Variants in MYO5A observed in about 807,000 individuals in gnomAD.
MYO5A encodes the protein myosin VA, also known as unconventional myosin-Va.
Under a neutral mutation model 249.7 loss-of-function variants are expected in MYO5A, and 98 were observed. The ratio of observed to expected loss-of-function variants is 0.39; its 90% CI spans 0.33 to 0.46. The LOEUF (loss-of-function observed/expected upper bound fraction) is 0.46. Among genes scored for constraint, MYO5A ranks in the 20% least tolerant of loss-of-function variants. MYO5A has a pLI of 0.98. For synonymous variants in MYO5A, 778 were observed against 810.6 expected (o/e 0.96, Z 0.68); for missense variants, 1,696 against 2,308.8 (o/e 0.73, Z 5.44).
chr15:52,419,151 T>C (rs1474768853), intron 4 of MYO5A, among the ~76,000 whole-genome samples: 2 of 152,248 alleles, frequency 1.3e-5, no homozygotes, highest in Non-Finnish European at 2.9e-5. Flanking sequence ...TTGAGTGTTG[T>C]CATGTACCTT....
At chr15:52,470,664 G>T (rs1338653691) in intron 1 of MYO5A, among the ~76,000 whole-genome samples, 1 of 151,388 alleles carries the variant, frequency 6.6e-6, no homozygotes, top group African/African-American at 2.4e-5. Context: ...TCAAAAAAAG[G>T]CCATTCCTTA....
In MYO5A at chr15:52,311,487, C is replaced by G. The variant is rs1034555540; in HGVS notation, c.*2209G>C. The G allele has an allele frequency of 6.6e-6, 1 of 152,272 alleles. No individual in the cohort carries two copies. The highest frequency in any genetic ancestry group is 1.9e-4 in the East Asian group (1 of 5,190). 9.4% of individuals were successfully genotyped at this position (152,272 alleles called of 1,614,324 possible). A position where few individuals can be genotyped will look rare whatever the true frequency, so the allele number is the denominator to read the frequency against. ...CAATTGGTAGTGTTTCTGGTTGATA[C>G]TGCAAATAAATAAATAAATGTATTC... is the stretch of plus-strand genomic sequence containing the variant. On this transcript the variant is annotated 3_prime_UTR_variant, in exon 42 of 42. Transcript: ENST00000399233.
At chr15:52,508,835 C>T (rs917057128) in intron 1 of MYO5A, among the ~76,000 whole-genome samples, 10 of 152,128 alleles carry the variant, frequency 6.6e-5, no homozygotes, top group Non-Finnish European at 1.3e-4. Flanking sequence ...TACATAAGAT[C>T]CTTGCATATT....
rs1459325200 is a variant in MYO5A, at chr15:52,477,494, T to G, written c.28-44209A>C. On this transcript the variant is annotated intron_variant, in intron 1 of 41. Transcript: ENST00000399233. Reference sequence around the variant, plus strand: ...TGGAGGAGAAGAGGCGCTCTGATTTTTTGAATTTTCAGCTTTTCTGCTCTG... The same window carrying G: ...TGGAGGAGAAGAGGCGCTCTGATTTGTTGAATTTTCAGCTTTTCTGCTCTG... Among the ~76,000 whole-genome samples the G allele has an allele frequency of 2.6e-5, 4 of 152,240 alleles. No individual in the cohort carries two copies. In the East Asian group the frequency reaches 7.7e-4, roughly 29 times the overall value.
At chr15:52,443,707 CAA>C (rs72495071) in intron 1 of MYO5A, among the ~76,000 whole-genome samples, 24 of 82,076 alleles carry the variant, frequency 2.9e-4, no homozygotes, top group Admixed American at 4.0e-4. Context: ...GACTCCATCT[CAA>C]AAAAAAAAAA....
In MYO5A at chr15:52,383,087, T is replaced by G. The variant is rs1026281755; in HGVS notation, c.2012+4A>C. On this transcript the variant is annotated splice_donor_region_variant and intron_variant, in intron 16 of 41. Coordinates refer to ENST00000399233, the MANE Select transcript of MYO5A (RefSeq NM_001382347.1). ...TTTTCACTGGGTGGTTCAGAAATAC[T>G]TACGTGAATGGGAACTTGAAGTCAT... The G allele has an allele frequency of 1.6e-5, 25 of 1,605,432 alleles. No individual in the cohort carries two copies. Among genetic ancestry groups the G allele is most frequent in the Non-Finnish European group, 2.0e-5 (24 of 1,172,088 alleles).
At chr15:52,419,068 T>C (rs371834233) in intron 4 of MYO5A, among the ~76,000 whole-genome samples, 1 of 152,228 alleles carries the variant, frequency 6.6e-6, no homozygotes, top group Non-Finnish European at 1.5e-5. Context: ...AATGCTTGCC[T>C]CAAACCTGAG....
At chr15:52,496,137 G>A (rs148144987) in intron 1 of MYO5A, among the ~76,000 whole-genome samples, 1 of 152,002 alleles carries the variant, frequency 6.6e-6, no homozygotes, top group Non-Finnish European at 1.5e-5. Context: ...AGCATAAACT[G>A]GCCTGAGTTA....
chr15:52,341,944 G>C (rs1254026981), intron 31 of MYO5A, among the ~76,000 whole-genome samples: 1 of 152,148 alleles, frequency 6.6e-6, no homozygotes, highest in Non-Finnish European at 1.5e-5. Context: ...TAATTATTCT[G>C]AGCTATAGCA....
chr15:52,400,977 T>G (rs1007910519), intron 9 of MYO5A, among the ~76,000 whole-genome samples: 2 of 152,202 alleles, frequency 1.3e-5, no homozygotes, highest in African/African-American at 4.8e-5. Flanking sequence ...TCTTAGATCT[T>G]CTAACTGGGA....
At chr15:52,328,209 A>C (rs778071139) in intron 35 of MYO5A, among the ~76,000 whole-genome samples, 1 of 152,146 alleles carries the variant, frequency 6.6e-6, no homozygotes, top group Non-Finnish European at 1.5e-5. Flanking sequence ...TCCCAAACTG[A>C]TATCTCCTGC....
chr15:52,508,867 G>A (rs2141611381), intron 1 of MYO5A, among the ~76,000 whole-genome samples: 2 of 151,748 alleles, frequency 1.3e-5, no homozygotes, highest in South Asian at 4.2e-4. Context: ...AATGAAATCC[G>A]TACCTTCTTA....
intron 5 of MYO5A, among the ~76,000 whole-genome samples, chr15:52,415,455 G>A (rs2043436252): frequency 6.6e-6 from 1 of 152,084 alleles, no homozygotes; most frequent in Admixed American, 6.5e-5. Context: ...TTTCTACTTT[G>A]TATATGGTGT....
chr15:52,383,614 G>C (rs574374198), intron 15 of MYO5A, among the ~76,000 whole-genome samples: 1 of 152,340 alleles, frequency 6.6e-6, no homozygotes, highest in Non-Finnish European at 1.5e-5. Context: ...AGGATAGGCA[G>C]AGAGGAGTTA....
At chr15:52,330,289 T>G in intron 35 of MYO5A, 64 bp downstream of exon 35, 1 of 1,600,818 alleles carries the variant, frequency 6.2e-7, no homozygotes, top group East Asian at 2.2e-5. Flanking sequence ...AATTAGTGAC[T>G]AGTTTTTCCC....
rs558015698 is a variant in MYO5A, at chr15:52,310,116, C to G, written c.*3580G>C. 6.6e-6 allele frequency: 1 copy of G among 152,282 alleles called. No homozygotes were observed. Among genetic ancestry groups the G allele is most frequent in the East Asian group, 1.9e-4 (1 of 5,190 alleles). 9.4% of individuals were successfully genotyped at this position (152,282 alleles called of 1,614,324 possible). A position where few individuals can be genotyped will look rare whatever the true frequency, so the allele number is the denominator to read the frequency against. ...TATCCATGGAAATGAAGAAATAACA[C>G]AGCAAATTCTCCAAACTGACAATAA... On this transcript the variant is annotated 3_prime_UTR_variant, in exon 42 of 42. Transcript: ENST00000399233.
intron 34 of MYO5A, chr15:52,331,727 G>A: frequency 1.0e-6 from 1 of 985,410 alleles, no homozygotes; most frequent in Non-Finnish European, 1.2e-6. Context: ...ATGTGGCATG[G>A]AGCCTGGTGA....
Position 52,309,983 on chromosome 15 carries a change from A to C in MYO5A, c.*3713T>G, listed in dbSNP as rs898182356. 6.6e-6 allele frequency: 1 copy of C among 152,168 alleles called. No individual in the cohort carries two copies. Among genetic ancestry groups the C allele is most frequent in the Admixed American group, 6.6e-5 (1 of 15,266 alleles). 9.4% of individuals were successfully genotyped at this position (152,168 alleles called of 1,614,324 possible). On this transcript the variant is annotated 3_prime_UTR_variant, in exon 42 of 42. Transcript: ENST00000399233. ...ACAACAATCACTGCACTGAAATTAT[A>C]ATAATATAGTATTTTCATAGCCTCC...
intron 40 of MYO5A, among the ~76,000 whole-genome samples, chr15:52,316,539 GA>G (rs1017334058): frequency 2.6e-5 from 4 of 152,156 alleles, no homozygotes; most frequent in African/African-American, 7.2e-5. Context: ...TAAGCTCCTT[GA>G]AGGCAGGAAT....
Sources: gnomAD v4.1 joint callset for allele counts (sites outside exome capture counted in the v4.1 genomes callset) on GRCh38, gnomAD v4.1.1 for gene constraint, MANE v1.5 for transcripts, NCBI Gene and HGNC (gene_info 2026-07-23, HGNC 2026-07-21) for gene names.